The following CDH8 variants were observed in gnomAD, a reference collection of about 807,000 sequenced individuals.
The protein encoded by CDH8 is cadherin 8, also known as cadherin-8.
In CDH8, 17 loss-of-function variants were observed where a neutral mutation model predicts 68.1. The ratio of observed to expected loss-of-function variants is 0.25; its 90% CI spans 0.17 to 0.37. The LOEUF (loss-of-function observed/expected upper bound fraction) is 0.37. CDH8 is among the 10% of genes least tolerant of loss of function. The pLI is 1.00. For synonymous variants in CDH8, 372 were observed against 365.1 expected (o/e 1.02, Z -0.21); for missense variants, 763 against 999.3 (o/e 0.76, Z 3.19).
At chr16:62,004,718 T>G (rs919436415) in intron 2 of CDH8, among the ~76,000 whole-genome samples, 1 of 152,260 alleles carries the variant, frequency 6.6e-6, no homozygotes, top group Non-Finnish European at 1.5e-5. Context: ...TAAAACAATA[T>G]ACTTTAAATA....
chr16:61,730,885 T>C (rs1462008302), intron 8 of CDH8, among the ~76,000 whole-genome samples: 1 of 151,630 alleles, frequency 6.6e-6, no homozygotes, highest in Non-Finnish European at 1.5e-5. Flanking sequence ...CCTTGTTGCT[T>C]TTTAAGACTC....
intron 8 of CDH8, among the ~76,000 whole-genome samples, chr16:61,740,349 T>C (rs1413524363): frequency 6.6e-6 from 1 of 152,184 alleles, no homozygotes; most frequent in East Asian, 1.9e-4. Flanking sequence ...TAGTCATATA[T>C]TTTTGAATAT....
chr16:61,752,084 T>G (rs910175672), intron 8 of CDH8, among the ~76,000 whole-genome samples: 10 of 152,126 alleles, frequency 6.6e-5, no homozygotes, highest in Non-Finnish European at 1.5e-5. Context: ...ACATTGAACA[T>G]GATAGCTAAA....
chr16:62,032,408 C>T (rs1327255023), intron 1 of CDH8, among the ~76,000 whole-genome samples: 1 of 152,140 alleles, frequency 6.6e-6, no homozygotes, highest in African/African-American at 2.4e-5. Context: ...TATCTACACC[C>T]TCCCACCCTG....
chr16:62,012,737 A>G (rs1901843240), intron 2 of CDH8, among the ~76,000 whole-genome samples: 1 of 152,212 alleles, frequency 6.6e-6, no homozygotes, highest in Admixed American at 6.5e-5. Flanking sequence ...ATATTTCCTT[A>G]CAGGTTCTCC....
chr16:61,913,345 A>C (rs1964189466), intron 2 of CDH8, among the ~76,000 whole-genome samples: 1 of 152,184 alleles, frequency 6.6e-6, no homozygotes, highest in Non-Finnish European at 1.5e-5. Flanking sequence ...TCAGATTTTC[A>C]ATTAGGGATG....
At chr16:61,694,998 T>A (rs990454090) in intron 10 of CDH8, among the ~76,000 whole-genome samples, 1 of 152,070 alleles carries the variant, frequency 6.6e-6, no homozygotes, top group African/African-American at 2.4e-5. Flanking sequence ...GCCAGGCTGG[T>A]CTCGAACTCC....
At chr16:61,655,236 T>C (rs574895654) in intron 11 of CDH8, among the ~76,000 whole-genome samples, 1 of 152,272 alleles carries the variant, frequency 6.6e-6, no homozygotes, top group East Asian at 1.9e-4. Context: ...TGTTCATCGC[T>C]TTATTGGTGA....
intron 3 of CDH8, among the ~76,000 whole-genome samples, chr16:61,873,679 A>C (rs1963411053): frequency 6.6e-6 from 1 of 152,144 alleles, no homozygotes; most frequent in Non-Finnish European, 1.5e-5. Context: ...GATATGTGAT[A>C]TAACTCTGTT....
At chr16:62,019,578 T>C in intron 2 of CDH8, among the ~76,000 whole-genome samples, 1 of 152,146 alleles carries the variant, frequency 6.6e-6, no homozygotes, top group East Asian at 1.9e-4. Context: ...GGCAGCACCC[T>C]GTAATCAACC....
At chr16:61,730,721 G>A (rs1350064711) in intron 8 of CDH8, among the ~76,000 whole-genome samples, 1 of 151,482 alleles carries the variant, frequency 6.6e-6, no homozygotes, top group African/African-American at 2.4e-5. Context: ...CTTTAGAAAA[G>A]TTAAGCAAAA....
rs1000565029 is a variant in CDH8 at position 61,655,465 on chromosome 16, C to T, written c.1906+5G>A. ...TGACCGGTAGGCTATGAAGGAAATA[C>T]GTACCTAACAGCAAAATGATGCATG... is the stretch of plus-strand genomic sequence containing the variant. On this transcript the variant is annotated splice_donor_5th_base_variant and intron_variant, in intron 11 of 11. Coordinates refer to ENST00000577390, the MANE Select transcript of CDH8 (RefSeq NM_001796.5). 1.2e-6 allele frequency: 2 copies of T among 1,613,780 alleles called. No homozygotes were observed. Among genetic ancestry groups the T allele is most frequent in the Non-Finnish European group, 1.7e-6 (2 of 1,179,904 alleles).
chr16:61,965,566 A>C lies in CDH8; in HGVS notation c.252+55586T>G, dbSNP rs1271680727. On this transcript the variant is annotated intron_variant, in intron 2 of 11. Coordinates refer to ENST00000577390, the MANE Select transcript of CDH8 (RefSeq NM_001796.5). ...ATGGCTCTCAGAAAACTATCAGTAAAATTTAAAATAAGCTCACATAAGGTG... is the reference window on the plus strand; with the variant it reads ...ATGGCTCTCAGAAAACTATCAGTAACATTTAAAATAAGCTCACATAAGGTG... Among the ~76,000 whole-genome samples, 3 of 152,200 alleles carry C rather than the reference A, an allele frequency of 2.0e-5. No homozygotes were observed. The East Asian group carries it at 5.8e-4, about 29-fold the overall frequency.
chr16:61,873,601 G>A (rs1963409472), intron 3 of CDH8, among the ~76,000 whole-genome samples: 1 of 152,218 alleles, frequency 6.6e-6, no homozygotes, highest in South Asian at 2.1e-4. Context: ...CTTTATGATG[G>A]TGGGAAAGCG....
chr16:61,664,186 G>A (rs1318500584), intron 10 of CDH8, among the ~76,000 whole-genome samples: 1 of 151,624 alleles, frequency 6.6e-6, no homozygotes, highest in Non-Finnish European at 1.5e-5. Context: ...TCTTTATATC[G>A]ATGCTCAAAT....
In CDH8 at chr16:61,652,274, G is replaced by A. The variant is rs376514454; in HGVS notation, c.*1334C>T. ...ATCACCATGAAGATCAGGGATAGGA[G>A]TGCTAAAAACGTAAACAGTGAAATT... On this transcript the variant is annotated 3_prime_UTR_variant, in exon 12 of 12. Transcript: ENST00000577390. 60 of 985,086 alleles carry A rather than the reference G, an allele frequency of 6.1e-5. No individual in the cohort carries two copies. The South Asian group carries it at 2.3e-3, about 39-fold the overall frequency. The allele number at this position is 985,086 out of a possible 1,614,324, so 61.0% of individuals were successfully genotyped here.
At chr16:61,829,035 G>C (rs1962400030) in intron 4 of CDH8, among the ~76,000 whole-genome samples, 1 of 151,656 alleles carries the variant, frequency 6.6e-6, no homozygotes. Context: ...TACCCACCCA[G>C]TGTTGGCATG....
chr16:61,839,403 A>C (rs1175439811), intron 4 of CDH8, among the ~76,000 whole-genome samples: 1 of 152,132 alleles, frequency 6.6e-6, no homozygotes, highest in Non-Finnish European at 1.5e-5. Context: ...ATTTAGAGGA[A>C]AGTATAAAAT....
chr16:61,981,699 C>A (rs2150582966), intron 2 of CDH8, among the ~76,000 whole-genome samples: 1 of 151,824 alleles, frequency 6.6e-6, no homozygotes, highest in African/African-American at 2.4e-5. Context: ...CGCGCGTGCG[C>A]TTGGGGCAGA....
Sources: gnomAD v4.1 joint callset for allele counts (sites outside exome capture counted in the v4.1 genomes callset) on GRCh38, gnomAD v4.1.1 for gene constraint, MANE v1.5 for transcripts, NCBI Gene and HGNC (gene_info 2026-07-23, HGNC 2026-07-21) for gene names.